WDPCP: variants seen among roughly 807,000 people sequenced by gnomAD.
WDPCP encodes WD repeat containing planar cell polarity effector, also known as WD repeat-containing and planar cell polarity effector protein fritz homolog.
Under a neutral mutation model 93.1 loss-of-function variants are expected in WDPCP, and 71 were observed. The ratio of observed to expected loss-of-function variants is 0.76; its 90% confidence interval spans 0.63 to 0.93. WDPCP has a LOEUF of 0.93. Among genes scored for constraint, WDPCP ranks in the 40% least tolerant of loss-of-function variants. The pLI is 0.00. For missense variants in WDPCP, 844 were observed against 887.4 expected, an observed-to-expected ratio of 0.95 and a Z score of 0.62; for synonymous variants, 315 against 315.0, an observed-to-expected ratio of 1.00 and a Z score of 0.00.
intron 14 of WDPCP, among the ~76,000 whole-genome samples, chr2:63,253,994 T>C (rs1043941819): frequency 5.3e-5 from 8 of 152,088 alleles, no homozygotes; most frequent in Non-Finnish European, 5.9e-5. Flanking sequence ...AACCCATCAA[T>C]GATGGATTGA....
intron 13 of WDPCP, among the ~76,000 whole-genome samples, chr2:63,309,750 C>G (rs1378125062): frequency 6.6e-5 from 10 of 152,062 alleles, no homozygotes; most frequent in Non-Finnish European, 1.3e-4. Flanking sequence ...AGTATCTTCT[C>G]CCATCACAAT....
At chr2:63,125,903 G>A (rs945365383) in intron 17 of WDPCP, among the ~76,000 whole-genome samples, 5 of 141,202 alleles carry the variant, frequency 3.5e-5, no homozygotes, top group African/African-American at 1.3e-4. Flanking sequence ...GAGCCACCTC[G>A]CCAGGCTGCT....
chr2:63,595,071 C>T (rs2106606109), intron 3 of WDPCP: 2 of 325,892 alleles, frequency 6.1e-6, no homozygotes, highest in East Asian at 1.7e-4. Context: ...ATTATTCTTT[C>T]ATGTCAGATA....
intron 2 of WDPCP, among the ~76,000 whole-genome samples, chr2:63,708,249 C>T (rs1368840937): frequency 6.6e-6 from 1 of 152,224 alleles, no homozygotes; most frequent in African/African-American, 2.4e-5. Context: ...GGCAGGCAGG[C>T]CTCCTTGAGT....
chr2:63,776,999 T>C (rs1465976652), intron 2 of WDPCP, among the ~76,000 whole-genome samples: 1 of 152,172 alleles, frequency 6.6e-6, no homozygotes, highest in Non-Finnish European at 1.5e-5. Flanking sequence ...GGTGTCCTAT[T>C]GCACAGTAGG....
In WDPCP at chr2:63,791,334, C is replaced by CTG. The variant is rs796421434; in HGVS notation, n.308+22286_308+22287dup. On this transcript the variant is annotated intron_variant and non_coding_transcript_variant, in intron 2 of 4. Coordinates refer to the WDPCP transcript ENST00000467687. ...TGCCATGTTGGCTCAGTTTCTATCA[C>CTG]TGCTCCAATCTCCGTTCCTTACTTA... Among the ~76,000 whole-genome samples, 97 of 152,360 alleles carry CTG rather than the reference C, an allele frequency of 6.4e-4. 1 individual carries two copies. The highest frequency in any genetic ancestry group is 2.3e-3 in the African/African-American group (94 of 41,582).
intron 2 of WDPCP, among the ~76,000 whole-genome samples, chr2:63,488,370 T>C (rs548125209): frequency 6.6e-6 from 1 of 152,110 alleles, no homozygotes; most frequent in African/African-American, 2.4e-5. Flanking sequence ...AAAAAAAGTA[T>C]TACTGCTATA....
chr2:63,498,952 A>G (rs1398035225), intron 1 of WDPCP, among the ~76,000 whole-genome samples: 1 of 152,238 alleles, frequency 6.6e-6, no homozygotes, highest in Non-Finnish European at 1.5e-5. Context: ...GTACCCAAAG[A>G]ATGGAGTACT....
At chr2:63,320,107 A>AT (rs1686971528) in intron 12 of WDPCP, among the ~76,000 whole-genome samples, 1 of 152,176 alleles carries the variant, frequency 6.6e-6, no homozygotes, top group Non-Finnish European at 1.5e-5. Flanking sequence ...TTAAAAATTG[A>AT]TAAACTAAAC....
At chr2:63,369,092 GAA>G in intron 12 of WDPCP, 2 of 186,018 alleles carry the variant, frequency 1.1e-5, no homozygotes, top group South Asian at 1.2e-4. Flanking sequence ...CTACATAGTA[GAA>G]AAAAAAAAAT....
chr2:63,236,808 C>T (rs1184067369), intron 14 of WDPCP, among the ~76,000 whole-genome samples: 2 of 152,130 alleles, frequency 1.3e-5, no homozygotes, highest in East Asian at 3.8e-4. Flanking sequence ...CCCTACCTCT[C>T]AACATATACA....
intron 14 of WDPCP, among the ~76,000 whole-genome samples, chr2:63,195,288 C>T (rs920953358): frequency 9.9e-5 from 15 of 152,184 alleles, no homozygotes; most frequent in African/African-American, 3.1e-4. Flanking sequence ...AGTCAGGCAA[C>T]AATAATTACT....
At chr2:63,284,291 C>T (rs1438169367) in intron 13 of WDPCP, among the ~76,000 whole-genome samples, 3 of 152,186 alleles carry the variant, frequency 2.0e-5, no homozygotes, top group Non-Finnish European at 4.4e-5. Context: ...TCCCCCCTTA[C>T]CTGTGGGGGG....
At chr2:63,191,128 C>T (rs143908747) in intron 14 of WDPCP, among the ~76,000 whole-genome samples, 31 of 152,320 alleles carry the variant, frequency 2.0e-4, no homozygotes, top group African/African-American at 6.7e-4. Flanking sequence ...CATGGTGGCT[C>T]ACGCCTGTAA....
chr2:63,421,626 T>A lies in WDPCP; in HGVS notation c.825+12119A>T, dbSNP rs1314782104. Among the ~76,000 whole-genome samples, 4 of 152,198 alleles carry A rather than the reference T, an allele frequency of 2.6e-5. No individual in the cohort carries two copies. In the East Asian group the frequency reaches 7.7e-4, roughly 29 times the overall value. On this transcript the variant is annotated intron_variant, in intron 9 of 17. Transcript: ENST00000272321. ...AGTTGGTTCAAACTAAAGGTGTTCA[T>A]CATGACCATAAACACGGCATCCCTA...
chr2:63,499,356 A>G (rs1701408450), intron 1 of WDPCP, among the ~76,000 whole-genome samples: 2 of 152,242 alleles, frequency 1.3e-5, no homozygotes, highest in South Asian at 4.1e-4. Flanking sequence ...AATCAGAGCC[A>G]TAATAAGGAA....
intron 2 of WDPCP, among the ~76,000 whole-genome samples, chr2:63,774,814 T>A (rs1670279881): frequency 6.6e-6 from 1 of 152,162 alleles, no homozygotes; most frequent in South Asian, 2.1e-4. Flanking sequence ...GCCCCTCATT[T>A]TCATTTTCGT....
intron 7 of WDPCP, 110 bp from the exon 8 acceptor site, chr2:63,437,664 TAA>T: frequency 9.0e-7 from 1 of 1,114,816 alleles, no homozygotes; most frequent in Non-Finnish European, 1.3e-6. Context: ...CTGAAATCAC[TAA>T]AGTCTCTTGA....
rs190942425 is a variant in WDPCP, at chr2:63,282,786, T to C, written c.1813-23377A>G. 2.2e-3 allele frequency among the ~76,000 whole-genome samples: 329 copies of C among 152,302 alleles called. 14 individuals are homozygous for C. Among genetic ancestry groups the C allele is most frequent in the Admixed American group, 0.021 (322 of 15,278 alleles). ...CCTCAGTATTAATGAGGGATTTGTC[T>C]CATGACTTCCCCCACCCCCAAGAAT... On this transcript the variant is annotated intron_variant, in intron 13 of 17. Coordinates refer to ENST00000272321, the MANE Select transcript of WDPCP (RefSeq NM_015910.7).
Sources: allele counts gnomAD v4.1 joint callset (sites outside exome capture counted in the v4.1 genomes callset), GRCh38; gene constraint gnomAD v4.1.1; transcripts MANE v1.5; gene names NCBI Gene and HGNC (gene_info 2026-07-23, HGNC 2026-07-21).